HEG1: variants seen among roughly 807,000 people sequenced by gnomAD.
HEG1 encodes the protein heart development protein with EGF like domains 1, also known as protein HEG homolog 1.
In HEG1, 56 loss-of-function variants were observed where a neutral mutation model predicts 125.6. That is an observed-to-expected ratio of 0.45 (90% CI 0.36 to 0.56). The LOEUF (loss-of-function observed/expected upper bound fraction) is 0.56. Among genes scored for constraint, HEG1 ranks in the 20% least tolerant of loss-of-function variants. The pLI is 0.00. For synonymous variants in HEG1, 644 were observed against 668.5 expected, an observed-to-expected ratio of 0.96 and a Z score of 0.57; for missense variants, 1,523 against 1,670.0, an observed-to-expected ratio of 0.91 and a Z score of 1.53.
intron 3 of HEG1, among the ~76,000 whole-genome samples, chr3:125,021,922 C>T (rs1355324041): frequency 6.6e-6 from 1 of 152,226 alleles, no homozygotes; most frequent in Non-Finnish European, 1.5e-5. Flanking sequence ...ATGGGCCCCT[C>T]AGAGATCAAG....
intron 5 of HEG1, chr3:125,015,123 T>C (rs1179419003): frequency 7.7e-5 from 49 of 635,812 alleles, no homozygotes; most frequent in Non-Finnish European, 8.9e-6. Flanking sequence ...CCCTGTACTT[T>C]TAGGGTCTTT....
Position 125,009,920 on chromosome 3 carries a change from T to C in HEG1, c.3074-96A>G, listed in dbSNP as rs934472677. On this transcript the variant is annotated intron_variant, in intron 7 of 16. Transcript: ENST00000311127. ...GTACTTACTAAGGGCCAAATGGTGC[T>C]AGGTGTGGTGAGACCCCAAAGGATA... 50 of 1,315,830 alleles carry C rather than the reference T, an allele frequency of 3.8e-5. No individual in the cohort carries two copies. The South Asian group carries it at 8.0e-4, about 21-fold the overall frequency. The allele number at this position is 1,315,830 out of a possible 1,614,324, so 81.5% of individuals were successfully genotyped here. A position where few individuals can be genotyped will look rare whatever the true frequency, so the allele number is the denominator to read the frequency against.
chr3:125,049,884 C>T (rs1409989350), intron 1 of HEG1, among the ~76,000 whole-genome samples: 1 of 152,176 alleles, frequency 6.6e-6, no homozygotes, highest in East Asian at 1.9e-4. Flanking sequence ...ATTATGCTTT[C>T]CCTGTTCAGA....
At chr3:125,040,261 A>T (rs139281369) in intron 1 of HEG1, among the ~76,000 whole-genome samples, 5 of 152,332 alleles carry the variant, frequency 3.3e-5, no homozygotes, top group African/African-American at 7.2e-5. Flanking sequence ...GGAAAAATCA[A>T]GGATCAAGGA....
intron 14 of HEG1, among the ~76,000 whole-genome samples, chr3:124,983,152 C>T (rs1246469442): frequency 1.3e-5 from 2 of 152,182 alleles, no homozygotes; most frequent in African/African-American, 4.8e-5. Context: ...CTCTCTTTGT[C>T]GCTTAGGCTA....
chr3:125,045,961 G>A (rs1426326063), intron 1 of HEG1, among the ~76,000 whole-genome samples: 1 of 152,166 alleles, frequency 6.6e-6, no homozygotes, highest in African/African-American at 2.4e-5. Context: ...CCAGTTACAA[G>A]TGCTTTCACA....
At chr3:125,004,018 A>G (rs1560022296) in intron 9 of HEG1, among the ~76,000 whole-genome samples, 1 of 152,312 alleles carries the variant, frequency 6.6e-6, no homozygotes, top group East Asian at 1.9e-4. Flanking sequence ...ATGGTGGTTT[A>G]GTGGACTGTT....
intron 1 of HEG1, among the ~76,000 whole-genome samples, chr3:125,037,937 A>G (rs1156436408): frequency 6.6e-6 from 1 of 152,236 alleles, no homozygotes; most frequent in Non-Finnish European, 1.5e-5. Flanking sequence ...CATCTCCCTC[A>G]CTGGGTTGTT....
intron 1 of HEG1, among the ~76,000 whole-genome samples, chr3:125,046,367 ATATATG>A (rs1937665728): frequency 6.8e-6 from 1 of 147,996 alleles, no homozygotes; most frequent in Admixed American, 6.9e-5. Context: ...CTTTTTTCAT[ATATATG>A]TATATGTATA....
At chr3:124,993,337 C>A (rs1190024763) in intron 12 of HEG1, among the ~76,000 whole-genome samples, 1 of 152,216 alleles carries the variant, frequency 6.6e-6, no homozygotes, top group Non-Finnish European at 1.5e-5. Flanking sequence ...GGTGCTTTCA[C>A]TTTATGCCAC....
chr3:125,006,809 T>G (rs1176339341), intron 8 of HEG1, among the ~76,000 whole-genome samples: 1 of 152,228 alleles, frequency 6.6e-6, no homozygotes, highest in East Asian at 1.9e-4. Context: ...GTGCTACCTG[T>G]GGAACCCTCT....
chr3:124,978,873 T>C (rs1936599572), intron 14 of HEG1, among the ~76,000 whole-genome samples: 1 of 151,644 alleles, frequency 6.6e-6, no homozygotes, highest in Non-Finnish European at 1.5e-5. Context: ...GCAGAATCTT[T>C]TCTTGGTCAC....
intron 5 of HEG1, among the ~76,000 whole-genome samples, 180 bp downstream of exon 5, chr3:125,019,082 G>C (rs1937295756): frequency 6.6e-6 from 1 of 152,064 alleles, no homozygotes; most frequent in African/African-American, 2.4e-5. Flanking sequence ...AGGTCAGTCA[G>C]GTCTTGAACC....
intron 1 of HEG1, among the ~76,000 whole-genome samples, chr3:125,035,278 A>T (rs1937539587): frequency 6.6e-6 from 1 of 152,134 alleles, no homozygotes; most frequent in Non-Finnish European, 1.5e-5. Context: ...TGGCTGGAAA[A>T]TTTCCCAAAC....
chr3:125,043,343 A>G (rs1937616185), intron 1 of HEG1, among the ~76,000 whole-genome samples: 1 of 152,148 alleles, frequency 6.6e-6, no homozygotes, highest in South Asian at 2.1e-4. Context: ...GGAGGGATAC[A>G]GCCTATCCCA....
Position 124,974,241 on chromosome 3 carries a change from G to C in HEG1, c.3822-336C>G, listed in dbSNP as rs529074339. On this transcript the variant is annotated intron_variant, in intron 15 of 16. Coordinates refer to ENST00000311127, the MANE Select transcript of HEG1 (RefSeq NM_020733.2). ...CTTGGGGGTGGCCAGGAAAACAAGG[G>C]TCATAAATTCACAGAATGCTGGAGC... Among the ~76,000 whole-genome samples, 6 of 152,116 alleles carry C rather than the reference G, an allele frequency of 3.9e-5. No homozygotes were observed. The South Asian group carries it at 6.3e-4, about 16-fold the overall frequency.
At chr3:124,976,552 G>A (rs1343228873) in intron 15 of HEG1, among the ~76,000 whole-genome samples, 1 of 151,198 alleles carries the variant, frequency 6.6e-6, no homozygotes, top group Non-Finnish European at 1.5e-5. Context: ...TCTCATGGTG[G>A]TTTCGATTTG....
Position 124,968,834 on chromosome 3 carries a change from A to G in HEG1, c.*1818T>C, listed in dbSNP as rs1372201234. The G allele has an allele frequency of 6.6e-6, 1 of 152,208 alleles. No homozygotes were observed. Among genetic ancestry groups the G allele is most frequent in the East Asian group, 1.9e-4 (1 of 5,200 alleles). The allele number at this position is 152,208 out of a possible 1,614,324, so 9.4% of individuals were successfully genotyped here. A position where few individuals can be genotyped will look rare whatever the true frequency, so the allele number is the denominator to read the frequency against. Reference sequence around the variant, plus strand: ...GGTTCTACAGAGAGAGAGGCCCAAGATTTCAAAAAGGCGACACTTTGAAAT... The same window carrying G: ...GGTTCTACAGAGAGAGAGGCCCAAGGTTTCAAAAAGGCGACACTTTGAAAT... On this transcript the variant is annotated 3_prime_UTR_variant, in exon 17 of 17. Coordinates refer to ENST00000311127, the MANE Select transcript of HEG1 (RefSeq NM_020733.2).
intron 16 of HEG1, among the ~76,000 whole-genome samples, chr3:124,973,428 T>G (rs1390250970): frequency 3.9e-5 from 6 of 152,210 alleles, no homozygotes; most frequent in African/African-American, 1.4e-4. Flanking sequence ...TATCACTAAA[T>G]TCTTGCTCTA....
Sources: allele counts gnomAD v4.1 joint callset (sites outside exome capture counted in the v4.1 genomes callset), GRCh38; gene constraint gnomAD v4.1.1; transcripts MANE v1.5; gene names NCBI Gene and HGNC (gene_info 2026-07-23, HGNC 2026-07-21).